The following KANK1 variants were observed in gnomAD, a reference collection of about 807,000 sequenced individuals.
KANK1 encodes the protein KN motif and ankyrin repeat domains 1.
Under a neutral mutation model 106.2 loss-of-function variants are expected in KANK1, and 109 were observed. The ratio of observed to expected loss-of-function variants is 1.03; its 90% CI spans 0.88 to 1.20. The LOEUF (loss-of-function observed/expected upper bound fraction) is 1.20. Among genes scored for constraint, KANK1 ranks in the 50% most tolerant of loss-of-function variants. The probability of loss-of-function intolerance (pLI) is 0.00; values close to 1 mark genes in which losing one functional copy is unlikely to be tolerated. For synonymous variants in KANK1, 873 were observed against 652.2 expected (o/e 1.34, Z -5.16); for missense variants, 2,399 against 1,710.7 (o/e 1.40, Z -7.10).
At chr9:643,693 G>A (rs183742556) in intron 1 of KANK1, among the ~76,000 whole-genome samples, 1 of 148,824 alleles carries the variant, frequency 6.7e-6, no homozygotes, top group African/African-American at 2.6e-5. Context: ...ATTTGTGGGG[G>A]TTTTTTGTTT....
chr9:662,074 C>T (rs1484179192), intron 1 of KANK1, among the ~76,000 whole-genome samples: 1 of 152,098 alleles, frequency 6.6e-6, no homozygotes, highest in Non-Finnish European at 1.5e-5. Flanking sequence ...CTCCCATTCA[C>T]AATTGCTTGA....
chr9:688,745 T>C (rs976310966), intron 2 of KANK1, among the ~76,000 whole-genome samples: 4 of 152,198 alleles, frequency 2.6e-5, no homozygotes, highest in African/African-American at 9.7e-5. Context: ...CTGGCTGCCA[T>C]GGCCTTTCAT....
At chr9:665,465 T>A (rs1304088898) in intron 1 of KANK1, among the ~76,000 whole-genome samples, 3 of 152,154 alleles carry the variant, frequency 2.0e-5, no homozygotes, top group Non-Finnish European at 4.4e-5. Context: ...TGTCAAAAAT[T>A]AGTTGGCTGC....
At chr9:724,663 G>C (rs1038128337) in intron 3 of KANK1, among the ~76,000 whole-genome samples, 3 of 152,082 alleles carry the variant, frequency 2.0e-5, no homozygotes, top group Non-Finnish European at 4.4e-5. Flanking sequence ...ACAGCTGGGC[G>C]TGGTGGCGGG....
intron 2 of KANK1, among the ~76,000 whole-genome samples, chr9:695,245 C>G (rs925758847): frequency 6.6e-6 from 1 of 152,166 alleles, no homozygotes; most frequent in African/African-American, 2.4e-5. Flanking sequence ...TTAGAGAGCA[C>G]TGTGCCCTGA....
chr9:548,886 C>T (rs892966398), intron 1 of KANK1, among the ~76,000 whole-genome samples: 5 of 151,900 alleles, frequency 3.3e-5, no homozygotes, highest in Non-Finnish European at 7.4e-5. Context: ...CGAGACCAGC[C>T]TGGGCAGCAT....
At chr9:512,924 T>G (rs914067163) in intron 1 of KANK1, among the ~76,000 whole-genome samples, 1 of 152,228 alleles carries the variant, frequency 6.6e-6, no homozygotes, top group Non-Finnish European at 1.5e-5. Context: ...TGTCTTCTTT[T>G]GGTTACCTTT....
chr9:732,224 A>G, intron 5 of KANK1, 154 bp from the exon 6 acceptor site: 1 of 835,708 alleles, frequency 1.2e-6, no homozygotes, highest in Admixed American at 2.7e-5. Flanking sequence ...ACCACCAGGC[A>G]TTTAAATAGA....
At chr9:616,877 T>C (rs1831967959) in intron 1 of KANK1, among the ~76,000 whole-genome samples, 1 of 152,146 alleles carries the variant, frequency 6.6e-6, no homozygotes, top group South Asian at 2.1e-4. Flanking sequence ...AAGTGAGACA[T>C]GGTATTTCTG....
Position 712,385 on chromosome 9 carries a change from C to A in KANK1, c.1619C>A (p.Thr540Asn). ...GACCTGGTGGACACGTGTGTTGGGA[C>A]CTCCGTGGAAACAAACAGTGTAGGC... Reference protein sequence around the residue: ...HMDLVDTCVGTSVETNSVGIS... With the variant: ...HMDLVDTCVGNSVETNSVGIS... The change falls in exon 3 of 12, where the codon ACC becomes AAC. Residue 540 changes from threonine to asparagine, a missense_variant. Thr to Asn is a moderately conservative substitution (Grantham distance 65, BLOSUM62 0). Transcript: ENST00000382297. 6.2e-7 allele frequency: 1 copy of A among 1,614,152 alleles called. No homozygotes were observed. Among genetic ancestry groups the A allele is most frequent in the Non-Finnish European group, 8.5e-7 (1 of 1,180,034 alleles).
intron 1 of KANK1, among the ~76,000 whole-genome samples, chr9:665,327 G>A (rs983984373): frequency 2.6e-5 from 4 of 152,130 alleles, no homozygotes; most frequent in African/African-American, 4.8e-5. Flanking sequence ...AAATCCATTT[G>A]TATTTGATAT....
intron 1 of KANK1, among the ~76,000 whole-genome samples, chr9:597,706 C>G (rs1473001232): frequency 1.3e-5 from 2 of 151,126 alleles, no homozygotes; most frequent in Admixed American, 6.6e-5. Flanking sequence ...CTCTGTTGCC[C>G]AGGCTGGAGT....
At chr9:492,924 T>G (rs1039513988) in intron 3 of KANK1, among the ~76,000 whole-genome samples, 1 of 150,746 alleles carries the variant, frequency 6.6e-6, no homozygotes, top group African/African-American at 2.4e-5. Context: ...CTCGGGAGGC[T>G]GAGGCAGGAG....
rs924116396 is a variant in KANK1 at position 544,444 on chromosome 9, C to T, written c.-84+39690C>T. ...AGAGGGGCATTCTGTAGTCTTCGTA[C>T]TTCTTATCTTCACTATTGCTGATGA... On this transcript the variant is annotated intron_variant, in intron 1 of 11. Transcript: ENST00000382297. 3.3e-4 allele frequency among the ~76,000 whole-genome samples: 50 copies of T among 152,288 alleles called. 1 individual carries two copies. The highest frequency in any genetic ancestry group is 3.4e-3 in the Middle Eastern group (1 of 294).
intron 1 of KANK1, among the ~76,000 whole-genome samples, chr9:667,616 T>C (rs1355657860): frequency 2.0e-5 from 3 of 152,128 alleles, no homozygotes; most frequent in East Asian, 1.9e-4. Context: ...TTTGGATATG[T>C]TGTGTTTCTA....
intron 1 of KANK1, among the ~76,000 whole-genome samples, chr9:518,519 T>C (rs1207039025): frequency 6.6e-6 from 1 of 151,718 alleles, no homozygotes; most frequent in African/African-American, 2.4e-5. Context: ...GGTTCTAGAA[T>C]CGAAACTCTA....
chr9:737,786 C>A (rs1425091412), intron 7 of KANK1, among the ~76,000 whole-genome samples: 1 of 152,178 alleles, frequency 6.6e-6, no homozygotes, highest in African/African-American at 2.4e-5. Flanking sequence ...AAGGAAGCAG[C>A]ATAATTCAGT....
chr9:608,755 C>G (rs770953170), intron 1 of KANK1, among the ~76,000 whole-genome samples: 1 of 152,258 alleles, frequency 6.6e-6, no homozygotes, highest in East Asian at 1.9e-4. Flanking sequence ...GAAGAGCTAC[C>G]TAGATGAAGG....
chr9:515,529 A>T (rs1248836047), intron 1 of KANK1, among the ~76,000 whole-genome samples: 1 of 151,768 alleles, frequency 6.6e-6, no homozygotes, highest in Non-Finnish European at 1.5e-5. Flanking sequence ...AAGTTTATGG[A>T]TAACTCTACT....
Sources: allele counts gnomAD v4.1 joint callset (sites outside exome capture counted in the v4.1 genomes callset), GRCh38; gene constraint gnomAD v4.1.1; transcripts MANE v1.5; gene names NCBI Gene and HGNC (gene_info 2026-07-23, HGNC 2026-07-21).